The following A2M variants were observed in gnomAD, a reference collection of about 807,000 sequenced individuals.
A2M encodes the protein alpha-2-macroglobulin, also known as C3 and PZP-like alpha-2-macroglobulin domain-containing protein 5.
A2M carries 128 observed loss-of-function variants against 183.9 expected under a neutral mutation model. The ratio of observed to expected loss-of-function variants is 0.70; its 90% CI spans 0.60 to 0.81. The LOEUF (loss-of-function observed/expected upper bound fraction) is 0.81. Among genes scored for constraint, A2M ranks in the 30% least tolerant of loss-of-function variants. The pLI is 0.00. For synonymous variants in A2M, 592 were observed against 670.8 expected (o/e 0.88, Z 1.81); for missense variants, 1,495 against 1,787.6 (o/e 0.84, Z 2.95).
Position 9,068,226 on chromosome 12 carries a change from TG to T in A2M, c.4367-3del. ...TGTACTCAGCAATTGCAAACTCATC[TG>T]AAAAAAAAAAAACCAACAAAAAACC... On this transcript the variant is annotated splice_polypyrimidine_tract_variant and splice_region_variant and intron_variant, in intron 34 of 35. Coordinates refer to ENST00000318602, the MANE Select transcript of A2M (RefSeq NM_000014.6). The T allele has an allele frequency of 6.2e-7, 1 of 1,601,820 alleles. No homozygotes were observed. Among genetic ancestry groups the T allele is most frequent in the South Asian group, 1.1e-5 (1 of 89,774 alleles).
At chr12:9,116,164 TTC>T (rs1939105010), upstream of A2M, 1 of 355,816 alleles carries the variant, frequency 2.8e-6, no homozygotes, top group Non-Finnish European at 5.5e-6. Context: ...TTTCAACCTC[TTC>T]TCTCCCTCAC....
Position 9,104,389 on chromosome 12 carries a change from T to C in A2M, c.1116A>G (p.Val372=). The part of the protein sequence containing the change: ...GIPFFGQVRL[V]DGKGVPIPNK... ...TTGGTATAGGGACGCCTTTCCCATCTACTAGGCGCACCTGAAGATTAAAAG... is the reference window on the plus strand; with the variant it reads ...TTGGTATAGGGACGCCTTTCCCATCCACTAGGCGCACCTGAAGATTAAAAG... Residue 372 remains valine, a synonymous_variant, in exon 11 of 36, where the codon GTA becomes GTG. Coordinates refer to ENST00000318602, the MANE Select transcript of A2M (RefSeq NM_000014.6). The C allele has an allele frequency of 6.3e-7, 1 of 1,588,436 alleles. No homozygotes were observed. Among genetic ancestry groups the C allele is most frequent in the Non-Finnish European group, 8.6e-7 (1 of 1,166,078 alleles).
At position 9,090,348 on chromosome 12, in the gene A2M, T is replaced by C; in HGVS notation, c.2596+8A>G. ...GTAGAGAATTATCTCTAGCAGTTTT[T>C]TGCTCACCTAATGACTTTGGGGTTA... On this transcript the variant is annotated splice_region_variant and intron_variant, in intron 20 of 35. Transcript: ENST00000318602. 2 of 1,613,994 alleles carry C rather than the reference T, an allele frequency of 1.2e-6. No homozygotes were observed. The highest frequency in any genetic ancestry group is 8.5e-7 in the Non-Finnish European group (1 of 1,179,864).
Position 9,112,317 on chromosome 12 carries a change from C to T in A2M, c.430+60G>A, listed in dbSNP as rs1260349621. The stretch of plus-strand genomic sequence containing the variant: ...GATTATAGGAACTTTGCCTGGGGAA[C>T]ATCCAGGGGAAGAAGATCTTTCCTT... On this transcript the variant is annotated intron_variant, in intron 3 of 35. Coordinates refer to ENST00000318602, the MANE Select transcript of A2M (RefSeq NM_000014.6). 2.1e-5 allele frequency: 33 copies of T among 1,596,776 alleles called. No homozygotes were observed. The Admixed American group carries it at 5.4e-4, about 26-fold the overall frequency.
chr12:9,108,316 C>T (rs1375812935), intron 7 of A2M, among the ~76,000 whole-genome samples: 5 of 151,798 alleles, frequency 3.3e-5, no homozygotes, highest in Non-Finnish European at 5.9e-5. Flanking sequence ...TTAGTAGAGA[C>T]GGGGTTTCAC....
intron 8 of A2M, 87 bp from the exon 9 acceptor site, chr12:9,106,692 G>A: frequency 3.2e-6 from 2 of 625,544 alleles, no homozygotes; most frequent in South Asian, 2.5e-5. Flanking sequence ...GATTTTTGTG[G>A]GGGGACAACA....
chr12:9,082,977 C>T (rs1226901824), intron 22 of A2M, among the ~76,000 whole-genome samples: 2 of 152,122 alleles, frequency 1.3e-5, no homozygotes, highest in Non-Finnish European at 2.9e-5. Context: ...AGTTCTAGAT[C>T]CCTGAGGAAT....
chr12:9,113,362 C>T lies in A2M; in HGVS notation c.268G>A (p.Ala90Thr), dbSNP rs375536103. Residue 90 changes from alanine to threonine, a missense_variant and splice_region_variant, in exon 2 of 36, where the codon GCT (alanine) becomes ACT (threonine). Ala to Thr is a moderately conservative substitution (Grantham distance 58). Transcript: ENST00000318602. ...TTAAGTCAAACAGCCACACTCACAG[C>T]GAAGGCGACACAGTGGAGTACGTCA... ...ENDVLHCVAF[A>T]VPKSSSNEEV... The T allele has an allele frequency of 4.6e-5, 75 of 1,612,970 alleles. No individual in the cohort carries two copies. The highest frequency in any genetic ancestry group is 3.3e-5 in the Admixed American group (2 of 59,846).
Position 9,106,289 on chromosome 12 carries a change from A to G in A2M, c.1051T>C (p.Ser351Pro), listed in dbSNP as rs1565601083. ...SEITRTITKL[S>P]FVKVDSHFRQ... ...AAGTGTGAGTCCACTTTCACAAATG[A>G]GAGTTTGGTTATGGTTCTTGTGATT... is the stretch of plus-strand genomic sequence containing the variant. Residue 351 changes from serine (S) to proline (P), a missense_variant, in exon 10 of 36, where the codon TCA becomes CCA. Transcript: ENST00000318602. 5 of 1,613,592 alleles carry G rather than the reference A, an allele frequency of 3.1e-6. No homozygotes were observed. The highest frequency in any genetic ancestry group is 3.3e-4 in the Middle Eastern group (2 of 6,060).
At chr12:9,105,712 C>T (rs1200979545) in intron 10 of A2M, among the ~76,000 whole-genome samples, 1 of 152,114 alleles carries the variant, frequency 6.6e-6, no homozygotes, top group Non-Finnish European at 1.5e-5. Context: ...ACCCCATGTT[C>T]ACTGTTTTAG....
intron 1 of A2M, among the ~76,000 whole-genome samples, chr12:9,114,206 G>T (rs889517834): frequency 6.6e-6 from 1 of 152,140 alleles, no homozygotes; most frequent in Non-Finnish European, 1.5e-5. Context: ...TGGTCCTCTG[G>T]TGATTGACTT....
Position 9,089,209 on chromosome 12 carries a change from A to C in A2M, c.2761T>G (p.Cys921Gly), listed in dbSNP as rs1198895963. 3 of 1,588,710 alleles carry C rather than the reference A, an allele frequency of 1.9e-6. No homozygotes were observed. Among genetic ancestry groups the C allele is most frequent in the Non-Finnish European group, 2.6e-6 (3 of 1,165,278 alleles). ...GATGGTTGACTCTTACCTGATGGACAAAGTAGGGAGTTGAATGTTGTTTCC... is the reference window on the plus strand; with the variant it reads ...GATGGTTGACTCTTACCTGATGGACCAAGTAGGGAGTTGAATGTTGTTTCC... ...EKETTFNSLLCPSGGEVSEEL... is the reference protein window; with the variant it reads ...EKETTFNSLLGPSGGEVSEEL... The change falls in exon 22 of 36, where the codon TGT becomes GGT. Residue 921 changes from cysteine to glycine, a missense_variant. Transcript: ENST00000318602.
chr12:9,068,906 A>C, intron 33 of A2M, 64 bp from the exon 34 acceptor site: 1 of 1,210,814 alleles, frequency 8.3e-7, no homozygotes, highest in South Asian at 1.5e-5. Context: ...GAATTAGTTT[A>C]AGTATTCACC....
Position 9,099,585 on chromosome 12 carries a change from T to C in A2M, c.1559-62A>G. 5.2e-6 allele frequency: 8 copies of C among 1,529,364 alleles called. No homozygotes were observed. The South Asian group carries it at 1.0e-4, about 19-fold the overall frequency. 94.7% of individuals were successfully genotyped at this position (1,529,364 alleles called of 1,614,324 possible). A position where few individuals can be genotyped will look rare whatever the true frequency, so the allele number is the denominator to read the frequency against. ...GTTAATGACTATTTCCATTAGTAGA[T>C]GTAACAGACATAATAAACAGTAGAT... On this transcript the variant is annotated intron_variant, in intron 13 of 35. Coordinates refer to ENST00000318602, the MANE Select transcript of A2M (RefSeq NM_000014.6).
chr12:9,104,147 A>G (rs919450921), intron 11 of A2M, 92 bp downstream of exon 11: 11 of 1,317,690 alleles, frequency 8.3e-6, no homozygotes, highest in African/African-American at 1.5e-5. Flanking sequence ...TCTCCATAGA[A>G]CTAGACACAG....
chr12:9,106,149 C>G, intron 10 of A2M, 87 bp downstream of exon 10: 1 of 737,886 alleles, frequency 1.4e-6, no homozygotes, highest in Non-Finnish European at 2.3e-6. Flanking sequence ...ATAACATTAA[C>G]CAGGCATGGT....
At chr12:9,075,024 C>A (rs962269376) in intron 28 of A2M, among the ~76,000 whole-genome samples, 1 of 152,034 alleles carries the variant, frequency 6.6e-6, no homozygotes, top group Non-Finnish European at 1.5e-5. Context: ...TTGCTATAGT[C>A]GGGTTGGTGG....
chr12:9,070,609 T>C, intron 31 of A2M, 31 bp from the exon 32 acceptor site: 1 of 1,471,552 alleles, frequency 6.8e-7, no homozygotes, highest in Non-Finnish European at 9.4e-7. Flanking sequence ...AGGATTAGGG[T>C]TTTCTGTGTT....
chr12:9,109,272 GTC>G, intron 7 of A2M, 47 bp downstream of exon 7: 1 of 1,455,948 alleles, frequency 6.9e-7, no homozygotes, highest in South Asian at 1.2e-5. Context: ...CAAATGGTGA[GTC>G]TCTTTTAAAT....
Sources: gnomAD v4.1 joint callset for allele counts (sites outside exome capture counted in the v4.1 genomes callset) on GRCh38, gnomAD v4.1.1 for gene constraint, MANE v1.5 for transcripts, NCBI Gene and HGNC (gene_info 2026-07-23, HGNC 2026-07-21) for gene names.